UNKL: variants seen among roughly 807,000 people sequenced by gnomAD.
The protein encoded by UNKL is putative E3 ubiquitin-protein ligase UNKL.
A neutral mutation model predicts 78.0 loss-of-function variants in UNKL; 60 were observed. The ratio of observed to expected loss-of-function variants is 0.77; its 90% CI spans 0.63 to 0.95. The LOEUF is 0.95. UNKL is among the 40% of genes least tolerant of loss of function. UNKL has a pLI of 0.00. For missense variants in UNKL, 1,159 were observed against 1,045.7 expected (o/e 1.11, Z -1.49); for synonymous variants, 608 against 474.8 (o/e 1.28, Z -3.65).
Position 1,403,395 on chromosome 16 carries a change from G to T in UNKL, c.288-51C>A. 1 of 1,560,664 alleles carries T rather than the reference G, an allele frequency of 6.4e-7. No homozygotes were observed. The highest frequency in any genetic ancestry group is 8.7e-7 in the Non-Finnish European group (1 of 1,155,152). On this transcript the variant is annotated intron_variant, in intron 2 of 14. Coordinates refer to ENST00000389221, the MANE Select transcript of UNKL (RefSeq NM_001372107.1). The surrounding 1 kb of genome is among the most constrained non-coding windows in gnomAD (Gnocchi z 4.8). ...CCTGGTTATCATGGACCCAGAGGCAGCCCTAAGCTCCCTGGGTCCACGCCC... is the reference window on the plus strand; with the variant it reads ...CCTGGTTATCATGGACCCAGAGGCATCCCTAAGCTCCCTGGGTCCACGCCC...
rs979731764 is a variant in UNKL at position 1,401,581 on chromosome 16, G to A, written c.585C>T (p.Asp195=). The A allele has an allele frequency of 3.1e-6, 5 of 1,591,052 alleles. No homozygotes were observed. In the African/African-American group the frequency reaches 4.1e-5, roughly 13 times the overall value. ...QAMIEKILSE[D]PRWQDANFVL... is the part of the protein sequence containing the mutation. Reference sequence around the variant, plus strand: ...CCGTGGAGTTACCTTGCCACCGGGGGTCCTCGCTCAGGATCTTCTCAATCA... The same window carrying A: ...CCGTGGAGTTACCTTGCCACCGGGGATCCTCGCTCAGGATCTTCTCAATCA... The change falls in exon 4 of 15, where the codon GAC becomes GAT. Residue 195 remains aspartate, a synonymous_variant. Transcript: ENST00000389221.
At chr16:1,368,625 A>AC (rs1472929637) in intron 12 of UNKL, among the ~76,000 whole-genome samples, 5 of 147,882 alleles carry the variant, frequency 3.4e-5, no homozygotes, top group East Asian at 2.0e-4. Flanking sequence ...AAAAAAAAAA[A>AC]AAAAAAAAAA....
At chr16:1,405,778 G>T in intron 2 of UNKL, 1 of 351,566 alleles carries the variant, frequency 2.8e-6, no homozygotes, top group Non-Finnish European at 5.8e-6. Flanking sequence ...AGAGCCACGT[G>T]ATTACACCCA....
intron 10 of UNKL, among the ~76,000 whole-genome samples, chr16:1,375,225 C>T (rs1004312880): frequency 1.7e-4 from 26 of 152,352 alleles, no homozygotes; most frequent in Admixed American, 3.3e-4. Context: ...CTGGCAGGTC[C>T]GGGCCTCTGA....
chr16:1,366,113 G>T lies in UNKL; in HGVS notation c.*127C>A, dbSNP rs1279014649. On this transcript the variant is annotated 3_prime_UTR_variant, in exon 15 of 15. Coordinates refer to ENST00000389221, the MANE Select transcript of UNKL (RefSeq NM_001372107.1). ...GGGGCTCCCAGCCTCATGATAACGT[G>T]TAACAGGAAGGGCTCCCAGCCTCGG... 7.5e-6 allele frequency: 9 copies of T among 1,195,394 alleles called. No homozygotes were observed. The highest frequency in any genetic ancestry group is 3.2e-5 in the Admixed American group (1 of 31,670). The allele number at this position is 1,195,394 out of a possible 1,614,324, so 74.0% of individuals were successfully genotyped here.
intron 10 of UNKL, among the ~76,000 whole-genome samples, chr16:1,374,645 C>T (rs1425336627): frequency 6.6e-6 from 1 of 152,112 alleles, no homozygotes; most frequent in Non-Finnish European, 1.5e-5. Flanking sequence ...GTCCCGCCCT[C>T]GCAGACCTCC....
Position 1,366,152 on chromosome 16 carries a change from G to A in UNKL, c.*88C>T. On this transcript the variant is annotated 3_prime_UTR_variant, in exon 15 of 15. Coordinates refer to ENST00000389221, the MANE Select transcript of UNKL (RefSeq NM_001372107.1). ...TCCCAGCCTCGGTCCTCACGTCGGT[G>A]GCACCAGAAGCGAGTGACGACATGT... is the stretch of plus-strand genomic sequence containing the variant. 1.5e-6 allele frequency: 2 copies of A among 1,367,228 alleles called. No homozygotes were observed. Among genetic ancestry groups the A allele is most frequent in the Non-Finnish European group, 1.9e-6 (2 of 1,047,694 alleles). 84.7% of individuals were successfully genotyped at this position (1,367,228 alleles called of 1,614,324 possible). A position where few individuals can be genotyped will look rare whatever the true frequency, so the allele number is the denominator to read the frequency against.
chr16:1,394,061 T>G (rs2037158955), intron 7 of UNKL, 70 bp downstream of exon 7: 1 of 1,478,896 alleles, frequency 6.8e-7, no homozygotes, highest in Non-Finnish European at 9.2e-7. Context: ...GGGTCATCGG[T>G]AACTCCAGTG....
chr16:1,414,594 G>A, intron 1 of UNKL, 21 bp downstream of exon 1: 3 of 1,024,192 alleles, frequency 2.9e-6, no homozygotes, highest in South Asian at 3.8e-5. Flanking sequence ...GCGGGGGGCC[G>A]CAGGCCGGAC....
chr16:1,402,162 A>G (rs2037553667), intron 3 of UNKL, among the ~76,000 whole-genome samples: 1 of 152,152 alleles, frequency 6.6e-6, no homozygotes, highest in Non-Finnish European at 1.5e-5. Context: ...GCAGTGCCTC[A>G]CGGCCTCAAC....
At chr16:1,366,815 G>C (rs951082319) in intron 14 of UNKL, among the ~76,000 whole-genome samples, 1 of 151,706 alleles carries the variant, frequency 6.6e-6, no homozygotes, top group South Asian at 2.1e-4. Flanking sequence ...TGAACAGGGA[G>C]GGATGGGGCC....
chr16:1,377,671 C>T (rs1217375735), intron 10 of UNKL, among the ~76,000 whole-genome samples: 2 of 152,172 alleles, frequency 1.3e-5, no homozygotes, highest in Non-Finnish European at 2.9e-5. Flanking sequence ...GGCAGCCTCT[C>T]CTGTGGCCTG....
chr16:1,403,445 T>C lies in UNKL; in HGVS notation c.288-101A>G. 2 of 1,311,984 alleles carry C rather than the reference T, an allele frequency of 1.5e-6. No individual in the cohort carries two copies. Among genetic ancestry groups the C allele is most frequent in the Non-Finnish European group, 2.1e-6 (2 of 960,352 alleles). The allele number at this position is 1,311,984 out of a possible 1,614,324, so 81.3% of individuals were successfully genotyped here. On this transcript the variant is annotated intron_variant, in intron 2 of 14. Coordinates refer to ENST00000389221, the MANE Select transcript of UNKL (RefSeq NM_001372107.1). The surrounding 1 kb of genome is among the most constrained non-coding windows in gnomAD (Gnocchi z 4.8). Reference sequence around the variant, plus strand: ...CTGTCAGCACGTGGCAAGCAGTGAATTCCCTTCCCTTCTTCCAGATTCCTG... The same window carrying C: ...CTGTCAGCACGTGGCAAGCAGTGAACTCCCTTCCCTTCTTCCAGATTCCTG...
At chr16:1,393,178 T>G (rs1251100956) in intron 7 of UNKL, among the ~76,000 whole-genome samples, 2 of 152,176 alleles carry the variant, frequency 1.3e-5, no homozygotes, top group African/African-American at 4.8e-5. Flanking sequence ...TTTTTCATGT[T>G]TTTAACACTA....
chr16:1,398,681 A>AGGC, intron 5 of UNKL: 7 of 694,168 alleles, frequency 1.0e-5, no homozygotes, highest in South Asian at 2.2e-5. Flanking sequence ...TGGGGTCTGC[A>AGGC]CCCCCCCACC....
chr16:1,395,812 C>A, intron 6 of UNKL: 1 of 453,572 alleles, frequency 2.2e-6, no homozygotes, highest in Non-Finnish European at 4.5e-6. Context: ...CCGACAGGCC[C>A]CTGGTGACAC....
chr16:1,405,483 A>C (rs1271286820), intron 2 of UNKL, among the ~76,000 whole-genome samples: 1 of 152,066 alleles, frequency 6.6e-6, no homozygotes, highest in Non-Finnish European at 1.5e-5. Context: ...AGGCTGAGGC[A>C]GGGAATTACT....
chr16:1,379,327 T>TCCTGCCCCGCTCC (rs1249677262), intron 10 of UNKL, among the ~76,000 whole-genome samples: 22 of 150,342 alleles, frequency 1.5e-4, no homozygotes, highest in African/African-American at 4.7e-4. Flanking sequence ...CGCTCCGCTC[T>TCCTGCCCCGCTCC]CCTGCCCCGC....
chr16:1,378,695 G>A (rs532175585), intron 10 of UNKL, among the ~76,000 whole-genome samples: 11 of 152,172 alleles, frequency 7.2e-5, no homozygotes, highest in Admixed American at 2.0e-4. Flanking sequence ...GAAGCTGCCT[G>A]GAGAGGGGAC....
Sources: gnomAD v4.1 joint callset for allele counts (sites outside exome capture counted in the v4.1 genomes callset) on GRCh38, gnomAD v4.1.1 for gene constraint, Gnocchi (gnomAD v3.1) non-coding constraint, MANE v1.5 for transcripts, NCBI Gene and HGNC (gene_info 2026-07-23, HGNC 2026-07-21) for gene names.